The following RASSF3 variants were observed in gnomAD, a reference collection of about 807,000 sequenced individuals.
The protein encoded by RASSF3 is ras association domain-containing protein 3.
RASSF3 carries 19 observed loss-of-function variants against 19.9 expected under a neutral mutation model. The ratio of observed to expected loss-of-function variants is 0.96; its 90% CI spans 0.67 to 1.40. The LOEUF is 1.40. RASSF3 is among the 40% of genes most tolerant of loss of function. The pLI is 0.00. For synonymous variants in RASSF3, 110 were observed against 104.2 expected, an observed-to-expected ratio of 1.06 and a Z score of -0.34; for missense variants, 306 against 289.8, an observed-to-expected ratio of 1.06 and a Z score of -0.41.
chr12:64,511,418 G>C (rs1868327250), intron 1 of RASSF3, among the ~76,000 whole-genome samples: 1 of 152,004 alleles, frequency 6.6e-6, no homozygotes, highest in Admixed American at 6.6e-5. Flanking sequence ...GGAGGTGGAG[G>C]CTGCAGTGAG....
At chr12:64,623,759 C>T (rs1406388869) in intron 1 of RASSF3, among the ~76,000 whole-genome samples, 2 of 150,762 alleles carry the variant, frequency 1.3e-5, no homozygotes, top group Non-Finnish European at 2.9e-5. Context: ...TCTCATGCCT[C>T]AGCTTCCCGA....
chr12:64,638,559 GAC>G (rs1252005751), intron 1 of RASSF3, among the ~76,000 whole-genome samples: 1 of 143,126 alleles, frequency 7.0e-6, no homozygotes, highest in Non-Finnish European at 1.5e-5. Context: ...CAGCCTGGGC[GAC>G]AGAGTGAGAC....
intron 2 of RASSF3, among the ~76,000 whole-genome samples, chr12:64,581,026 A>G (rs1175151327): frequency 2.0e-5 from 3 of 152,008 alleles, no homozygotes; most frequent in Non-Finnish European, 2.9e-5. Context: ...CTACTTACAC[A>G]TTTATACATC....
chr12:64,509,343 G>T (rs1868313334), intron 1 of RASSF3, among the ~76,000 whole-genome samples: 1 of 152,084 alleles, frequency 6.6e-6, no homozygotes, highest in African/African-American at 2.4e-5. Flanking sequence ...CCAGCTACTT[G>T]GGAGGCTGAG....
At chr12:64,636,276 G>A (rs1419365341) in intron 1 of RASSF3, among the ~76,000 whole-genome samples, 2 of 151,864 alleles carry the variant, frequency 1.3e-5, no homozygotes, top group Non-Finnish European at 2.9e-5. Context: ...CACCACGCCT[G>A]GCTAATTTTT....
intron 1 of RASSF3, among the ~76,000 whole-genome samples, chr12:64,526,611 A>G (rs1280299357): frequency 1.3e-5 from 2 of 152,006 alleles, no homozygotes; most frequent in African/African-American, 4.8e-5. Flanking sequence ...TGGTGTGATC[A>G]TAGCTCACTG....
chr12:64,560,801 C>A (rs1869333964), intron 2 of RASSF3, among the ~76,000 whole-genome samples: 1 of 152,118 alleles, frequency 6.6e-6, no homozygotes, highest in Admixed American at 6.6e-5. Flanking sequence ...AGGAGAGGAG[C>A]CGAAATAGGC....
intron 1 of RASSF3, among the ~76,000 whole-genome samples, chr12:64,617,289 C>T (rs1870584476): frequency 6.6e-6 from 1 of 152,150 alleles, no homozygotes; most frequent in African/African-American, 2.4e-5. Context: ...TAAGAAAACT[C>T]ATCATTTATT....
chr12:64,560,093 T>C (rs1172743303), intron 2 of RASSF3, among the ~76,000 whole-genome samples: 1 of 152,192 alleles, frequency 6.6e-6, no homozygotes, highest in Non-Finnish European at 1.5e-5. Flanking sequence ...TATGAAATGA[T>C]GGGCCAGCCC....
At chr12:64,556,834 C>CTTT (rs5798747) in intron 2 of RASSF3, among the ~76,000 whole-genome samples, 5 of 114,378 alleles carry the variant, frequency 4.4e-5, no homozygotes, top group Admixed American at 1.0e-4. Context: ...CCCCCTACCC[C>CTTT]TTTTTTTTTT....
chr12:64,691,128 T>C lies in RASSF3; in HGVS notation c.458-342T>C, dbSNP rs1469175548. 3.3e-5 allele frequency among the ~76,000 whole-genome samples: 5 copies of C among 152,156 alleles called. No individual in the cohort carries two copies. In the South Asian group the frequency reaches 8.3e-4, roughly 25 times the overall value. On this transcript the variant is annotated intron_variant, in intron 3 of 4. Coordinates refer to ENST00000542104, the MANE Select transcript of RASSF3 (RefSeq NM_178169.4). The stretch of plus-strand genomic sequence containing the variant: ...CCGCCCACCTCGGCCTCCCAAAGTA[T>C]TGGGATTACAGGCATGAGCCACCAT...
intron 2 of RASSF3, among the ~76,000 whole-genome samples, chr12:64,566,910 C>T (rs1869441794): frequency 6.6e-6 from 1 of 152,196 alleles, no homozygotes; most frequent in Admixed American, 6.5e-5. Context: ...GGGCAAAAAG[C>T]AATTGCTGAA....
At chr12:64,637,423 C>CTTTTT (rs781748041) in intron 1 of RASSF3, among the ~76,000 whole-genome samples, 11 of 132,502 alleles carry the variant, frequency 8.3e-5, no homozygotes, top group Non-Finnish European at 1.3e-4. Context: ...TAGTTTCTTT[C>CTTTTT]TTTTTTTTTT....
At chr12:64,634,140 A>G (rs1392682042) in intron 1 of RASSF3, among the ~76,000 whole-genome samples, 4 of 152,112 alleles carry the variant, frequency 2.6e-5, no homozygotes, top group African/African-American at 9.7e-5. Flanking sequence ...CAAGCAAACA[A>G]ACAAGAATTG....
At chr12:64,634,204 AATC>A (rs754091460) in intron 1 of RASSF3, among the ~76,000 whole-genome samples, 1 of 152,012 alleles carries the variant, frequency 6.6e-6, no homozygotes, top group Non-Finnish European at 1.5e-5. Flanking sequence ...TTCTGCTGTT[AATC>A]ATTAGTTCTC....
At chr12:64,675,411 A>G (rs1872861193) in intron 1 of RASSF3, among the ~76,000 whole-genome samples, 2 of 152,006 alleles carry the variant, frequency 1.3e-5, no homozygotes, top group Admixed American at 6.6e-5. Context: ...CGGCCTCCCA[A>G]AGTGCTAGGA....
chr12:64,597,426 C>T (rs1300762056), intron 2 of RASSF3, among the ~76,000 whole-genome samples: 3 of 151,428 alleles, frequency 2.0e-5, no homozygotes, highest in South Asian at 4.2e-4. Context: ...CCATGGCACC[C>T]GGCCTATTTT....
At chr12:64,547,603 G>T (rs547695128) in intron 2 of RASSF3, among the ~76,000 whole-genome samples, 68 of 150,030 alleles carry the variant, frequency 4.5e-4, no homozygotes, top group African/African-American at 1.6e-3. Context: ...AAGGAAGGAC[G>T]GAAGGAAGGA....
intron 1 of RASSF3, among the ~76,000 whole-genome samples, chr12:64,516,345 C>A (rs577448623): frequency 6.6e-6 from 1 of 152,150 alleles, no homozygotes; most frequent in East Asian, 1.9e-4. Context: ...ACCGGCCGGG[C>A]GCGGTGGCTC....
Sources: gnomAD v4.1 joint callset for allele counts (sites outside exome capture counted in the v4.1 genomes callset) on GRCh38, gnomAD v4.1.1 for gene constraint, MANE v1.5 for transcripts, NCBI Gene and HGNC (gene_info 2026-07-23, HGNC 2026-07-21) for gene names.